NALF1: variants seen among roughly 807,000 people sequenced by gnomAD.
The protein encoded by NALF1 is family with sequence similarity 155 member A.
Under a neutral mutation model 48.4 loss-of-function variants are expected in NALF1, and 3 were observed. The ratio of observed to expected loss-of-function variants is 0.06; its 90% CI spans 0.03 to 0.16. NALF1 has a LOEUF of 0.16. NALF1 is among the 10% of genes least tolerant of loss of function. The pLI is 1.00. For missense variants in NALF1, 526 were observed against 571.5 expected, an observed-to-expected ratio of 0.92 and a Z score of 0.81; for synonymous variants, 262 against 245.7, an observed-to-expected ratio of 1.07 and a Z score of -0.62.
intron 1 of NALF1, among the ~76,000 whole-genome samples, chr13:107,503,742 G>GGGGT (rs1875596867): frequency 1.3e-5 from 1 of 78,974 alleles, no homozygotes; most frequent in African/African-American, 3.4e-5. Flanking sequence ...ATGTGTGTCT[G>GGGGT]GTGTGTGTGT....
At chr13:107,342,413 T>G (rs1882698135) in intron 1 of NALF1, among the ~76,000 whole-genome samples, 1 of 152,142 alleles carries the variant, frequency 6.6e-6, no homozygotes, top group African/African-American at 2.4e-5. Flanking sequence ...ACATGAAAAA[T>G]GCCTCAGGAT....
At chr13:107,780,895 G>C (rs534420355) in intron 1 of NALF1, among the ~76,000 whole-genome samples, 2 of 152,170 alleles carry the variant, frequency 1.3e-5, no homozygotes, top group South Asian at 2.1e-4. Context: ...ATAAAAATCT[G>C]AGCTCTTGAA....
At chr13:107,372,496 C>G (rs1265257141) in intron 1 of NALF1, among the ~76,000 whole-genome samples, 4 of 152,228 alleles carry the variant, frequency 2.6e-5, no homozygotes, top group Non-Finnish European at 5.9e-5. Context: ...AGGCACTATA[C>G]TCATTTGCAA....
At chr13:107,355,082 C>A (rs1882939817) in intron 1 of NALF1, among the ~76,000 whole-genome samples, 1 of 152,182 alleles carries the variant, frequency 6.6e-6, no homozygotes, top group South Asian at 2.1e-4. Context: ...TATCTTTGTT[C>A]TCAGTGATCT....
chr13:107,415,132 T>G (rs1230235062), intron 1 of NALF1, among the ~76,000 whole-genome samples: 1 of 152,210 alleles, frequency 6.6e-6, no homozygotes, highest in African/African-American at 2.4e-5. Flanking sequence ...TAACTTGACA[T>G]AATTTTTAAA....
At chr13:107,660,298 C>T (rs374638750) in intron 1 of NALF1, among the ~76,000 whole-genome samples, 1 of 151,482 alleles carries the variant, frequency 6.6e-6, no homozygotes, top group South Asian at 2.1e-4. Flanking sequence ...ATTAGCTGGG[C>T]ATGGTGTGAC....
intron 1 of NALF1, among the ~76,000 whole-genome samples, chr13:107,220,939 T>C (rs1879978403): frequency 6.6e-6 from 1 of 151,762 alleles, no homozygotes; most frequent in African/African-American, 2.4e-5. Context: ...GAAATGTATA[T>C]AATATAAACA....
At chr13:107,173,020 A>G (rs1464029682) in intron 2 of NALF1, among the ~76,000 whole-genome samples, 2 of 152,190 alleles carry the variant, frequency 1.3e-5, no homozygotes, top group Non-Finnish European at 2.9e-5. Context: ...TATGAATAAC[A>G]TGCATCTATA....
At chr13:107,685,300 G>A (rs1021232692) in intron 1 of NALF1, among the ~76,000 whole-genome samples, 5 of 152,148 alleles carry the variant, frequency 3.3e-5, no homozygotes, top group East Asian at 1.9e-4. Context: ...GTGACAAGGC[G>A]AGACACCGTC....
intron 2 of NALF1, among the ~76,000 whole-genome samples, 154 bp downstream of exon 2, chr13:107,210,430 G>C (rs1009474240): frequency 6.6e-6 from 1 of 152,148 alleles, no homozygotes. Context: ...CTGTTGAGGG[G>C]AGCTTTCGGT....
chr13:107,516,520 G>C (rs1876058749), intron 1 of NALF1, among the ~76,000 whole-genome samples: 2 of 152,096 alleles, frequency 1.3e-5, no homozygotes, highest in Admixed American at 6.6e-5. Flanking sequence ...ATTAATGTAT[G>C]CTGCTTTCAC....
intron 1 of NALF1, among the ~76,000 whole-genome samples, chr13:107,324,042 G>A (rs1260092004): frequency 1.3e-5 from 2 of 152,242 alleles, no homozygotes; most frequent in East Asian, 1.9e-4. Flanking sequence ...CCAAGAATTC[G>A]AGGTTACAGT....
At chr13:107,452,142 C>A (rs1884752057) in intron 1 of NALF1, among the ~76,000 whole-genome samples, 1 of 152,116 alleles carries the variant, frequency 6.6e-6, no homozygotes, top group African/African-American at 2.4e-5. Flanking sequence ...TGTTTCCTAG[C>A]TCAGCTCTTT....
chr13:107,659,384 C>T (rs966083401), intron 1 of NALF1, among the ~76,000 whole-genome samples: 1 of 152,116 alleles, frequency 6.6e-6, no homozygotes, highest in African/African-American at 2.4e-5. Flanking sequence ...TCTCAAGTAG[C>T]ATGTCTTCCA....
intron 1 of NALF1, among the ~76,000 whole-genome samples, chr13:107,628,110 T>A (rs1879729868): frequency 6.6e-6 from 1 of 152,100 alleles, no homozygotes; most frequent in South Asian, 2.1e-4. Flanking sequence ...CTATCCTGTA[T>A]GACTGCTCAG....
chr13:107,332,886 C>T (rs1212987389), intron 1 of NALF1, among the ~76,000 whole-genome samples: 3 of 152,090 alleles, frequency 2.0e-5, no homozygotes, highest in African/African-American at 4.8e-5. Context: ...TGCTCTATGG[C>T]CCAGGCTGGA....
At chr13:107,780,189 A>G (rs1181666814) in intron 1 of NALF1, among the ~76,000 whole-genome samples, 2 of 152,082 alleles carry the variant, frequency 1.3e-5, no homozygotes, top group African/African-American at 4.8e-5. Context: ...CAGTTAGCCA[A>G]TCTCAATCTT....
chr13:107,742,164 A>C (rs1297925858), intron 1 of NALF1, among the ~76,000 whole-genome samples: 1 of 152,182 alleles, frequency 6.6e-6, no homozygotes, highest in African/African-American at 2.4e-5. Flanking sequence ...TGTGTGGGTC[A>C]CATGGCCAGC....
Position 107,808,227 on chromosome 13 carries a change from TG to T in NALF1, c.915+57454del, listed in dbSNP as rs537560288. Among the ~76,000 whole-genome samples, 447 of 152,240 alleles carry T rather than the reference TG, an allele frequency of 2.9e-3. 2 individuals are homozygous for T. Among genetic ancestry groups the T allele is most frequent in the African/African-American group, 0.01 (416 of 41,558 alleles). ...GTTATAGGTTTTGCAGAGTCTTTTGTGGCAGCCTTGTTATCAGGCATACATG... is the reference window on the plus strand; with the variant it reads ...GTTATAGGTTTTGCAGAGTCTTTTGTGCAGCCTTGTTATCAGGCATACATG... On this transcript the variant is annotated intron_variant, in intron 1 of 2. Transcript: ENST00000375915.
Sources: allele counts gnomAD v4.1 joint callset (sites outside exome capture counted in the v4.1 genomes callset), GRCh38; gene constraint gnomAD v4.1.1; transcripts MANE v1.5; gene names NCBI Gene and HGNC (gene_info 2026-07-23, HGNC 2026-07-21).